Variants in PRMT8 observed in about 807,000 individuals in gnomAD.
PRMT8 encodes the protein protein arginine methyltransferase 8.
Under a neutral mutation model 47.1 loss-of-function variants are expected in PRMT8, and 7 were observed. The ratio of observed to expected loss-of-function variants is 0.15; its 90% CI spans 0.08 to 0.28. The LOEUF is 0.28. Among genes scored for constraint, PRMT8 ranks in the 10% least tolerant of loss-of-function variants. The probability of loss-of-function intolerance (pLI) is 1.00; values close to 1 mark genes in which losing one functional copy is unlikely to be tolerated. For synonymous variants in PRMT8, 188 were observed against 186.5 expected (o/e 1.01, Z -0.07); for missense variants, 237 against 505.4 (o/e 0.47, Z 5.09).
At chr12:3,561,185 A>T (rs1196630415) in intron 4 of PRMT8, among the ~76,000 whole-genome samples, 1 of 152,150 alleles carries the variant, frequency 6.6e-6, no homozygotes, top group African/African-American at 2.4e-5. Flanking sequence ...ATGTTTTAGC[A>T]GCTCTTTCAC....
chr12:3,415,136 C>A (rs1490223142), intron 1 of PRMT8, among the ~76,000 whole-genome samples: 1 of 152,014 alleles, frequency 6.6e-6, no homozygotes, highest in Admixed American at 6.5e-5. Flanking sequence ...TGGAGTGGCT[C>A]ACAGAACTCA....
At chr12:3,478,760 C>G (rs1865243383) in intron 1 of PRMT8, among the ~76,000 whole-genome samples, 1 of 152,236 alleles carries the variant, frequency 6.6e-6, no homozygotes, top group Non-Finnish European at 1.5e-5. Flanking sequence ...TCCAGCTTAT[C>G]AATCCTCAGG....
At chr12:3,574,761 G>A (rs370730679) in intron 6 of PRMT8, among the ~76,000 whole-genome samples, 10 of 152,162 alleles carry the variant, frequency 6.6e-5, no homozygotes, top group African/African-American at 1.9e-4. Context: ...CAGCAAATAC[G>A]TGGCAGAGCT....
intron 2 of PRMT8, among the ~76,000 whole-genome samples, chr12:3,547,503 C>A (rs1235159715): frequency 2.6e-5 from 4 of 152,088 alleles, no homozygotes; most frequent in South Asian, 4.1e-4. Context: ...TGGGGCCAGG[C>A]ATGGTGGCTC....
intron 1 of PRMT8, among the ~76,000 whole-genome samples, chr12:3,480,669 AT>A (rs1475527880): frequency 6.6e-6 from 1 of 151,884 alleles, no homozygotes; most frequent in African/African-American, 2.4e-5. Flanking sequence ...CCGCTTTCTT[AT>A]AGCTTCATGC....
Position 3,561,262 on chromosome 12 carries a change from T to C in PRMT8, c.482-7444T>C, listed in dbSNP as rs545067725. Among the ~76,000 whole-genome samples the C allele has an allele frequency of 4.7e-4, 71 of 152,316 alleles. 1 individual carries two copies. The highest frequency in any genetic ancestry group is 1.7e-3 in the African/African-American group (69 of 41,564). On this transcript the variant is annotated intron_variant, in intron 4 of 9. Transcript: ENST00000382622. The stretch of plus-strand genomic sequence containing the variant: ...GGGAGGGGCCCAGATGCTGCACTTG[T>C]GGCAATGCACCTCCAGTTTCTGCCT...
intron 1 of PRMT8, among the ~76,000 whole-genome samples, chr12:3,525,764 G>T (rs1865942558): frequency 6.6e-6 from 1 of 152,150 alleles, no homozygotes; most frequent in Non-Finnish European, 1.5e-5. Flanking sequence ...TAAGTCTAAG[G>T]ATTGCTGATT....
intron 1 of PRMT8, among the ~76,000 whole-genome samples, chr12:3,455,426 G>T (rs1384875681): frequency 6.6e-6 from 1 of 152,138 alleles, no homozygotes; most frequent in Non-Finnish European, 1.5e-5. Flanking sequence ...GGAGGGGTGA[G>T]CTGCTTCAGG....
rs1866678751 is a variant in PRMT8, at chr12:3,564,021, A to C, written c.482-4685A>C. On this transcript the variant is annotated intron_variant, in intron 4 of 9. Transcript: ENST00000382622. The surrounding 1 kb of genome is among the most constrained non-coding windows in gnomAD (Gnocchi z 4.0). The stretch of plus-strand genomic sequence containing the variant: ...TTTGTGAGGAGTCAAATGCTCCGCT[A>C]TATCCTGGAAATAGGAAGCTAAAAT... 6.6e-6 allele frequency among the ~76,000 whole-genome samples: 1 copy of C among 152,070 alleles called. No homozygotes were observed. The highest frequency in any genetic ancestry group is 2.4e-5 in the African/African-American group (1 of 41,398).
At chr12:3,542,940 C>T (rs1199545552) in intron 2 of PRMT8, among the ~76,000 whole-genome samples, 1 of 152,188 alleles carries the variant, frequency 6.6e-6, no homozygotes, top group African/African-American at 2.4e-5. Flanking sequence ...GCACCATGAC[C>T]CAGCACCCAG....
intron 1 of PRMT8, among the ~76,000 whole-genome samples, chr12:3,431,768 A>G (rs1011090332): frequency 2.4e-4 from 37 of 152,172 alleles, no homozygotes; most frequent in African/African-American, 8.7e-4. Flanking sequence ...TGAACTGAAT[A>G]GGGGGTGAGC....
chr12:3,463,130 T>C (rs1287065214), intron 1 of PRMT8: 7 of 152,236 alleles, frequency 4.6e-5, no homozygotes, highest in Admixed American at 4.6e-4. Context: ...GCTTAGTGTG[T>C]TACCCAATAT....
intron 1 of PRMT8, among the ~76,000 whole-genome samples, chr12:3,415,616 C>G (rs751241752): frequency 2.6e-5 from 4 of 152,192 alleles, no homozygotes; most frequent in African/African-American, 4.8e-5. Context: ...ATATTTCACA[C>G]TATCACAATA....
intron 1 of PRMT8, among the ~76,000 whole-genome samples, chr12:3,480,332 C>T (rs1481567393): frequency 6.6e-6 from 1 of 151,580 alleles, no homozygotes; most frequent in African/African-American, 2.4e-5. Flanking sequence ...TTTCCCAGTA[C>T]TTCTTCCTTC....
intron 1 of PRMT8, among the ~76,000 whole-genome samples, chr12:3,401,089 G>T (rs1321618750): frequency 6.9e-6 from 1 of 145,110 alleles, no homozygotes; most frequent in Non-Finnish European, 1.5e-5. Flanking sequence ...GGAGGTTGTG[G>T]TGAGCTGAGA....
chr12:3,496,212 A>ATTTTTTTT lies in PRMT8; in HGVS notation c.75+4513_75+4514insTTTTTTTT, dbSNP rs1444249290. Among the ~76,000 whole-genome samples, 31 of 19,384 alleles carry ATTTTTTTT rather than the reference A, an allele frequency of 1.6e-3. 1 individual carries two copies. Among genetic ancestry groups the ATTTTTTTT allele is most frequent in the South Asian group, 2.5e-3 (1 of 406 alleles). The allele number at this position is 19,384 out of a possible 152,430, so 12.7% of individuals were successfully genotyped here. On this transcript the variant is annotated intron_variant, in intron 1 of 9. Coordinates refer to ENST00000382622, the MANE Select transcript of PRMT8 (RefSeq NM_019854.5). ...ACTTTGGAAACTGATATATATATAT[A>ATTTTTTTT]TATTTTTTTTTTTTTTTTTTTTTTT...
intron 6 of PRMT8, among the ~76,000 whole-genome samples, chr12:3,571,240 C>A (rs1866839425): frequency 6.6e-6 from 1 of 152,216 alleles, no homozygotes; most frequent in Non-Finnish European, 1.5e-5. Context: ...GATGTACTCT[C>A]ATGGAAGATT....
intron 1 of PRMT8, among the ~76,000 whole-genome samples, chr12:3,533,906 G>A (rs1266018447): frequency 6.6e-6 from 1 of 152,252 alleles, no homozygotes; most frequent in Non-Finnish European, 1.5e-5. Flanking sequence ...GGTTCTGGAA[G>A]AGCTAACCCT....
chr12:3,383,876 C>G (rs1302040235), intron 1 of PRMT8, among the ~76,000 whole-genome samples: 2 of 152,134 alleles, frequency 1.3e-5, no homozygotes, highest in African/African-American at 4.8e-5. Flanking sequence ...TGTCTGTGTT[C>G]ATGCTGGTAT....
Sources: allele counts gnomAD v4.1 joint callset (sites outside exome capture counted in the v4.1 genomes callset), GRCh38; gene constraint gnomAD v4.1.1; non-coding constraint Gnocchi (gnomAD v3.1); transcripts MANE v1.5; gene names NCBI Gene and HGNC (gene_info 2026-07-23, HGNC 2026-07-21).